The following NFASC variants were observed in gnomAD, a reference collection of about 807,000 sequenced individuals.
The protein encoded by NFASC is neurofascin homolog.
Under a neutral mutation model 147.5 loss-of-function variants are expected in NFASC, and 43 were observed. That is an observed-to-expected ratio of 0.29 (90% CI 0.23 to 0.38). The LOEUF is 0.38. Ranked by LOEUF, NFASC falls within the 10% of genes least tolerant of loss-of-function variation. NFASC has a pLI of 1.00. For missense variants in NFASC, 1,320 were observed against 1,689.0 expected (o/e 0.78, Z 3.83); for synonymous variants, 622 against 665.5 (o/e 0.93, Z 1.01).
Position 204,997,555 on chromosome 1 carries a change from C to T in NFASC, c.3019+149C>T, listed in dbSNP as rs762632434. 2.0e-5 allele frequency: 18 copies of T among 902,542 alleles called. No homozygotes were observed. In the East Asian group the frequency reaches 2.9e-4, roughly 14 times the overall value. The allele number at this position is 902,542 out of a possible 1,614,324, so 55.9% of individuals were successfully genotyped here. A position where few individuals can be genotyped will look rare whatever the true frequency, so the allele number is the denominator to read the frequency against. ...TTTGTGTTTCCTTTGGAAACTCACC[C>T]GTGACTGGATGCTCAGTCCCGTAGC... On this transcript the variant is annotated intron_variant, in intron 25 of 29. Coordinates refer to ENST00000339876, the MANE Select transcript of NFASC (RefSeq NM_001005388.3).
At position 204,896,314 on chromosome 1, in the gene NFASC, G is replaced by A. The variant is rs368499178; in HGVS notation, c.-199-24318G>A. ...GGGTCTAGAATGTGAATTCTTGCAG[G>A]GGAGGCAGCCAGCACAATCCTGCTT... On this transcript the variant is annotated intron_variant, in intron 1 of 29. Transcript: ENST00000339876. Among the ~76,000 whole-genome samples the A allele has an allele frequency of 5.9e-5, 9 of 152,316 alleles. No homozygotes were observed. In the East Asian group the frequency reaches 1.7e-3, roughly 29 times the overall value.
At chr1:205,006,832 G>T (rs2096122497) in intron 27 of NFASC, among the ~76,000 whole-genome samples, 1 of 152,180 alleles carries the variant, frequency 6.6e-6, no homozygotes, top group Admixed American at 6.5e-5. Context: ...GCAGGAAGAT[G>T]CAGGTTGAAT....
chr1:205,013,231 G>T (rs546831667), intron 29 of NFASC, among the ~76,000 whole-genome samples: 1 of 152,274 alleles, frequency 6.6e-6, no homozygotes, highest in African/African-American at 2.4e-5. Context: ...GGACCCTCTT[G>T]CCGTGAGATG....
chr1:204,884,062 T>C (rs2080854687), intron 1 of NFASC, among the ~76,000 whole-genome samples: 1 of 152,152 alleles, frequency 6.6e-6, no homozygotes, highest in African/African-American at 2.4e-5. Flanking sequence ...AAGTTGACGT[T>C]GGGAGGCTGA....
At chr1:204,977,813 A>AG in intron 17 of NFASC, 88 bp downstream of exon 17, 1 of 1,266,900 alleles carries the variant, frequency 7.9e-7, no homozygotes, top group Non-Finnish European at 1.1e-6. Flanking sequence ...ACTTTGGGAA[A>AG]GGGCGACAGT....
chr1:204,919,618 C>T (rs1482216579), intron 1 of NFASC, among the ~76,000 whole-genome samples: 1 of 152,012 alleles, frequency 6.6e-6, no homozygotes, highest in Non-Finnish European at 1.5e-5. Flanking sequence ...TGGATTATAC[C>T]ATTTCCTGCA....
intron 3 of NFASC, chr1:204,947,264 T>A (rs1156581694): frequency 5.4e-6 from 1 of 184,732 alleles, no homozygotes; most frequent in Non-Finnish European, 1.1e-5. Flanking sequence ...GGCCCCCGGC[T>A]GCCCTGGGAA....
At chr1:204,959,580 C>T (rs34870821) in intron 8 of NFASC, among the ~76,000 whole-genome samples, 29,785 of 152,164 alleles carry the variant, frequency 0.2, 3,188 homozygotes, top group Non-Finnish European at 0.24. Context: ...ATAACATGCT[C>T]GCTGAGCTGA....
At chr1:204,996,391 G>A (rs1197550471) in intron 24 of NFASC, among the ~76,000 whole-genome samples, 2 of 152,186 alleles carry the variant, frequency 1.3e-5, no homozygotes, top group African/African-American at 4.8e-5. Context: ...ATGTTCTCAT[G>A]TGAATAGAAA....
rs763027416 is a variant in NFASC, at chr1:204,979,464, C to T, written c.2081C>T (p.Pro694Leu). 6 of 1,614,040 alleles carry T rather than the reference C, an allele frequency of 3.7e-6. No homozygotes were observed. Among genetic ancestry groups the T allele is most frequent in the Admixed American group, 1.7e-5 (1 of 60,024 alleles). Residue 694 changes from proline (P) to leucine (L), a missense_variant, in exon 19 of 30, where the codon CCG (proline) becomes CTG (leucine). Coordinates refer to ENST00000339876, the MANE Select transcript of NFASC (RefSeq NM_001005388.3). This position sits in a 1 kb window ranked among gnomAD's most constrained non-coding sequence, Gnocchi z 6.0. ...SVNSAVLRLS[P>L]YVNYQFRVIA... Reference sequence around the variant, plus strand: ...AACTCAGCCGTCCTCCGGCTGTCCCCGTATGTCAACTACCAGTTCCGTGTC... The same window carrying T: ...AACTCAGCCGTCCTCCGGCTGTCCCTGTATGTCAACTACCAGTTCCGTGTC...
intron 2 of NFASC, among the ~76,000 whole-genome samples, chr1:204,921,102 T>TGACA (rs1168237021): frequency 6.6e-6 from 1 of 152,126 alleles, no homozygotes; most frequent in Non-Finnish European, 1.5e-5. Flanking sequence ...TGCTCCTGAG[T>TGACA]GACAGCCCTG....
At chr1:204,908,163 G>A (rs949348734) in intron 1 of NFASC, among the ~76,000 whole-genome samples, 3 of 152,012 alleles carry the variant, frequency 2.0e-5, no homozygotes, top group African/African-American at 7.3e-5. Context: ...TGTATTTTTT[G>A]TAGAGACAGG....
In NFASC at chr1:204,975,345, G is replaced by C. The variant is rs775439683; in HGVS notation, c.1633G>C (p.Val545Leu). 2 of 1,613,986 alleles carry C rather than the reference G, an allele frequency of 1.2e-6. No individual in the cohort carries two copies. Among genetic ancestry groups the C allele is most frequent in the African/African-American group, 2.7e-5 (2 of 74,932 alleles). ...RGTTVQLECR[V>L]KHDPSLKLTV... is the part of the protein sequence containing the mutation. ...CACCACGGTGCAGCTGGAGTGTCGG[G>C]TGAAGCACGACCCCTCCCTGAAACT... Residue 545 changes from valine to leucine, a missense_variant, in exon 15 of 30, where the codon GTG becomes CTG. Physicochemically the swap from Val to Leu is conservative, Grantham distance 32. This residue lies in a region of NFASC where 981 missense variants were observed against 1,289.5 expected (regional missense o/e 0.76). Transcript: ENST00000339876. This position sits in a 1 kb window ranked among gnomAD's most constrained non-coding sequence, Gnocchi z 4.0.
chr1:204,966,913 T>C (rs2094976615), intron 8 of NFASC, among the ~76,000 whole-genome samples: 1 of 151,844 alleles, frequency 6.6e-6, no homozygotes, highest in African/African-American at 2.4e-5. Flanking sequence ...AGGGAGAGAG[T>C]TGAGTGCCCC....
At chr1:204,870,699 G>C (rs2102994524) in intron 1 of NFASC, 2 of 1,085,242 alleles carry the variant, frequency 1.8e-6, no homozygotes, top group East Asian at 1.5e-4. Flanking sequence ...GCCGAGGGAG[G>C]GGTGAGTGGT....
At chr1:204,969,184 G>A (rs2095112728) in intron 10 of NFASC, among the ~76,000 whole-genome samples, 1 of 152,086 alleles carries the variant, frequency 6.6e-6, no homozygotes. Context: ...GGCAGGGGGT[G>A]TTAAGGAGAT....
At chr1:204,974,893 AC>A in intron 14 of NFASC, 70 bp downstream of exon 14, 2 of 1,482,918 alleles carry the variant, frequency 1.3e-6, no homozygotes, top group East Asian at 4.5e-5. Context: ...TTATCCACAT[AC>A]AATATTCACA....
At chr1:204,976,475 T>G (rs757869848) in intron 15 of NFASC, among the ~76,000 whole-genome samples, 196 bp from the exon 16 acceptor site, 3 of 152,130 alleles carry the variant, frequency 2.0e-5, no homozygotes, top group Non-Finnish European at 4.4e-5. Flanking sequence ...TCTGTTCCCC[T>G]CCATCAAGTA....
chr1:204,943,729 C>T (rs1447682125), intron 2 of NFASC, among the ~76,000 whole-genome samples: 4 of 152,194 alleles, frequency 2.6e-5, no homozygotes, highest in Non-Finnish European at 5.9e-5. Context: ...ATATGCTCAA[C>T]CCCAGGCACA....
Sources: allele counts gnomAD v4.1 joint callset (sites outside exome capture counted in the v4.1 genomes callset), GRCh38; gene constraint gnomAD v4.1.1; regional missense constraint gnomAD v4.1.1; non-coding constraint Gnocchi (gnomAD v3.1); transcripts MANE v1.5; gene names NCBI Gene and HGNC (gene_info 2026-07-23, HGNC 2026-07-21).